The following HERPUD2 variants were observed in gnomAD, a reference collection of about 807,000 sequenced individuals.
HERPUD2 encodes the protein homocysteine-responsive endoplasmic reticulum-resident ubiquitin-like domain member 2 protein.
Under a neutral mutation model 49.9 loss-of-function variants are expected in HERPUD2, and 13 were observed. The observed-to-expected ratio is 0.26, with a 90% CI of 0.17 to 0.41. The LOEUF (loss-of-function observed/expected upper bound fraction) is 0.41, where lower values mean the gene tolerates loss of function less well. HERPUD2 is among the 10% of genes least tolerant of loss of function. HERPUD2 has a pLI of 1.00. For synonymous variants in HERPUD2, 172 were observed against 171.4 expected (o/e 1.00, Z -0.03); for missense variants, 449 against 492.2 (o/e 0.91, Z 0.83).
intron 5 of HERPUD2, among the ~76,000 whole-genome samples, chr7:35,655,736 G>C (rs746311205): frequency 2.6e-5 from 4 of 152,186 alleles, no homozygotes; most frequent in Non-Finnish European, 4.4e-5. Context: ...AATTGGAAAA[G>C]AGGAAGTCAA....
At chr7:35,681,940 T>C (rs1186579926) in intron 2 of HERPUD2, among the ~76,000 whole-genome samples, 1 of 152,216 alleles carries the variant, frequency 6.6e-6, no homozygotes, top group Non-Finnish European at 1.5e-5. Flanking sequence ...CTTTGTGAAG[T>C]ACTAAAAACC....
intron 5 of HERPUD2, among the ~76,000 whole-genome samples, chr7:35,658,155 G>T (rs1374862629): frequency 6.6e-6 from 1 of 152,168 alleles, no homozygotes; most frequent in African/African-American, 2.4e-5. Context: ...CGTAAAAGAG[G>T]ATGAAATCCT....
chr7:35,686,718 C>CAA (rs1355835861), intron 2 of HERPUD2, among the ~76,000 whole-genome samples: 54 of 3,790 alleles, frequency 0.014, 12 homozygotes, highest in South Asian at 0.026. Context: ...CACTCCGTCT[C>CAA]AAAAAAAAAA....
intron 3 of HERPUD2, among the ~76,000 whole-genome samples, chr7:35,672,006 A>T (rs1310707043): frequency 6.6e-6 from 1 of 152,036 alleles, no homozygotes; most frequent in Admixed American, 6.6e-5. Context: ...AAGTGATACT[A>T]TACTGGTGGA....
At chr7:35,679,790 TAC>T (rs1349489864) in intron 2 of HERPUD2, among the ~76,000 whole-genome samples, 1 of 152,212 alleles carries the variant, frequency 6.6e-6, no homozygotes, top group Non-Finnish European at 1.5e-5. Flanking sequence ...ACTCAAATTC[TAC>T]AATGCATTTC....
intron 5 of HERPUD2, among the ~76,000 whole-genome samples, chr7:35,657,968 T>C (rs1785318738): frequency 6.6e-6 from 1 of 151,744 alleles, no homozygotes; most frequent in African/African-American, 2.4e-5. Flanking sequence ...TACCCTATGA[T>C]CCAGCAATCC....
chr7:35,689,014 A>G (rs1449444507), intron 2 of HERPUD2, among the ~76,000 whole-genome samples: 6 of 152,196 alleles, frequency 3.9e-5, no homozygotes, highest in Admixed American at 3.9e-4. Context: ...CATGGCAAAC[A>G]CTTAGTAAAT....
intron 5 of HERPUD2, among the ~76,000 whole-genome samples, chr7:35,659,791 C>T (rs1412252393): frequency 6.6e-6 from 1 of 152,056 alleles, no homozygotes. Flanking sequence ...CTTTGTTGCT[C>T]AGTACTTTAA....
chr7:35,669,285 A>G (rs1297110630), intron 4 of HERPUD2, among the ~76,000 whole-genome samples: 1 of 152,220 alleles, frequency 6.6e-6, no homozygotes, highest in Non-Finnish European at 1.5e-5. Flanking sequence ...AATAGTTACC[A>G]TTAAGAGAAT....
chr7:35,633,685 T>C lies in HERPUD2; in HGVS notation c.*5A>G. ...CCCTCCTTGTAGCTGGCACAGTTTT[T>C]CAGGTCAATTGGCAACCTGGGGAGG... is the stretch of plus-strand genomic sequence containing the variant. On this transcript the variant is annotated 3_prime_UTR_variant, in exon 9 of 9. Transcript: ENST00000311350. 6.2e-7 allele frequency: 1 copy of C among 1,611,766 alleles called. No individual in the cohort carries two copies.
chr7:35,649,673 A>T (rs896178686), intron 5 of HERPUD2, among the ~76,000 whole-genome samples: 1 of 152,226 alleles, frequency 6.6e-6, no homozygotes, highest in Non-Finnish European at 1.5e-5. Context: ...TTTTTAAAAA[A>T]TATTATTGGC....
intron 2 of HERPUD2, among the ~76,000 whole-genome samples, chr7:35,674,378 C>CATATATAT (rs1562682656): frequency 0.021 from 735 of 34,630 alleles, 102 homozygotes; most frequent in Non-Finnish European, 0.028. Context: ...AGTCTTACAA[C>CATATATAT]CTATATATAT....
chr7:35,641,288 G>A (rs11763244), intron 5 of HERPUD2, among the ~76,000 whole-genome samples: 19,409 of 152,054 alleles, frequency 0.13, 1,508 homozygotes, highest in East Asian at 0.25. Flanking sequence ...GGAATAAGCC[G>A]TTAAAACACA....
Position 35,667,423 on chromosome 7 carries a change from A to G in HERPUD2, c.494+11T>C. The G allele has an allele frequency of 3.7e-6, 6 of 1,602,766 alleles. 1 individual carries two copies. The Admixed American group carries it at 8.4e-5, about 22-fold the overall frequency. On this transcript the variant is annotated intron_variant, in intron 5 of 8. Coordinates refer to ENST00000311350, the MANE Select transcript of HERPUD2 (RefSeq NM_022373.5). ...CCAATCACATTCCATAGCTACCACAATTTCACTTACCCTTGCATTACATAT... is the reference window on the plus strand; with the variant it reads ...CCAATCACATTCCATAGCTACCACAGTTTCACTTACCCTTGCATTACATAT...
rs184622085 is a variant in HERPUD2 at position 35,649,864 on chromosome 7, A to G, written c.495-11392T>C. ...GTTAAATGCTGGTCGGCTTTTCCTG[A>G]ATTCCAAAAGGGAAGAGGGTATAAT... On this transcript the variant is annotated intron_variant, in intron 5 of 8. Coordinates refer to ENST00000311350, the MANE Select transcript of HERPUD2 (RefSeq NM_022373.5). Among the ~76,000 whole-genome samples, 3 of 152,218 alleles carry G rather than the reference A, an allele frequency of 2.0e-5. No homozygotes were observed. In the East Asian group the frequency reaches 5.8e-4, roughly 29 times the overall value.
intron 2 of HERPUD2, among the ~76,000 whole-genome samples, chr7:35,688,812 G>A (rs1367276818): frequency 6.6e-6 from 1 of 151,894 alleles, no homozygotes; most frequent in Non-Finnish European, 1.5e-5. Flanking sequence ...CATATGATGT[G>A]TACAGTAAGT....
intron 5 of HERPUD2, among the ~76,000 whole-genome samples, chr7:35,651,640 C>T (rs558855936): frequency 5.9e-5 from 9 of 151,924 alleles, no homozygotes; most frequent in African/African-American, 2.2e-4. Flanking sequence ...ATACCACATG[C>T]ACAGATATCA....
rs1344398354 is a variant in HERPUD2, at chr7:35,638,488, A to G, written c.495-16T>C. 6.2e-7 allele frequency: 1 copy of G among 1,610,624 alleles called. No homozygotes were observed. The highest frequency in any genetic ancestry group is 8.5e-7 in the Non-Finnish European group (1 of 1,178,254). Reference sequence around the variant, plus strand: ...GTCTACATTTCTGCAAGAAATAAATAATGAGCTCTTTTAATGCTCTAGCAG... The same window carrying G: ...GTCTACATTTCTGCAAGAAATAAATGATGAGCTCTTTTAATGCTCTAGCAG... On this transcript the variant is annotated splice_polypyrimidine_tract_variant and intron_variant, in intron 5 of 8. Transcript: ENST00000311350.
At position 35,660,588 on chromosome 7, in the gene HERPUD2, C is replaced by T. The variant is rs183560470; in HGVS notation, c.494+6846G>A. ...CGCCATTCTAACTGGTGTGAGATGG[C>T]ATCTCGTTGTGGTTTTGATTTGCAT... On this transcript the variant is annotated intron_variant, in intron 5 of 8. Transcript: ENST00000311350. Among the ~76,000 whole-genome samples, 1,042 of 152,280 alleles carry T rather than the reference C, an allele frequency of 6.8e-3. 11 individuals are homozygous for T. The highest frequency in any genetic ancestry group is 0.024 in the African/African-American group (992 of 41,550).
Sources: gnomAD v4.1 joint callset for allele counts (sites outside exome capture counted in the v4.1 genomes callset) on GRCh38, gnomAD v4.1.1 for gene constraint, MANE v1.5 for transcripts, NCBI Gene and HGNC (gene_info 2026-07-23, HGNC 2026-07-21) for gene names.